Variants in ADGRV1 observed in about 807,000 individuals in gnomAD.
ADGRV1 encodes adhesion G protein-coupled receptor V1.
Under a neutral mutation model 596.2 loss-of-function variants are expected in ADGRV1, and 359 were observed. That is an observed-to-expected ratio of 0.60 (90% confidence interval 0.55 to 0.66). The LOEUF (loss-of-function observed/expected upper bound fraction) is 0.66. Ranked by LOEUF, ADGRV1 falls within the 30% of genes least tolerant of loss-of-function variation. The pLI is 0.00. For synonymous variants in ADGRV1, 2,681 were observed against 2,679.2 expected (o/e 1.00, Z -0.02); for missense variants, 7,274 against 7,575.6 (o/e 0.96, Z 1.48).
At chr5:90,864,705 T>G (rs1767926549) in intron 83 of ADGRV1, among the ~76,000 whole-genome samples, 1 of 152,164 alleles carries the variant, frequency 6.6e-6, no homozygotes, top group Non-Finnish European at 1.5e-5. Context: ...CATAATCACT[T>G]CTACTTTAAG....
At chr5:90,900,664 T>G (rs1771758530) in intron 83 of ADGRV1, among the ~76,000 whole-genome samples, 1 of 152,138 alleles carries the variant, frequency 6.6e-6, no homozygotes, top group South Asian at 2.1e-4. Flanking sequence ...AGCATCTGCC[T>G]CTTGACATGG....
In ADGRV1 at chr5:90,854,076, T is replaced by A; in HGVS notation, c.17469T>A (p.Ser5823Arg). 3 of 1,582,622 alleles carry A rather than the reference T, an allele frequency of 1.9e-6. No individual in the cohort carries two copies. The highest frequency in any genetic ancestry group is 1.7e-6 in the Non-Finnish European group (2 of 1,159,972). Reference sequence around the variant, plus strand: ...TAACATTCTAGGTATTATCTTTGAGTGTGAAAGGTCAGAGTTCACAACTCC... The same window carrying A: ...TAACATTCTAGGTATTATCTTTGAGAGTGAAAGGTCAGAGTTCACAACTCC... ...PTLKNKVLSLSVKGQSSQLLT... is the reference protein window; with the variant it reads ...PTLKNKVLSLRVKGQSSQLLT... The change falls in exon 81 of 90, where the codon AGT becomes AGA. Residue 5823 changes from serine to arginine, a missense_variant. By Grantham distance (110) the Ser-to-Arg change is moderately radical. Coordinates refer to ENST00000405460, the MANE Select transcript of ADGRV1 (RefSeq NM_032119.4).
At chr5:90,814,867 T>C (rs1028959105) in intron 74 of ADGRV1, among the ~76,000 whole-genome samples, 2 of 152,160 alleles carry the variant, frequency 1.3e-5, no homozygotes, top group African/African-American at 4.8e-5. Flanking sequence ...CCATGGAGAA[T>C]AGAAAGCAGT....
At chr5:90,994,417 CTA>C (rs1437069660) in intron 85 of ADGRV1, among the ~76,000 whole-genome samples, 1 of 152,032 alleles carries the variant, frequency 6.6e-6, no homozygotes, top group African/African-American at 2.4e-5. Flanking sequence ...TTTATGATTT[CTA>C]TCTCTTTATT....
At chr5:91,083,808 A>T (rs1789628271) in intron 86 of ADGRV1, among the ~76,000 whole-genome samples, 1 of 152,162 alleles carries the variant, frequency 6.6e-6, no homozygotes, top group African/African-American at 2.4e-5. Flanking sequence ...TGGCATGCAC[A>T]TATAGTCCCA....
At chr5:90,932,226 TA>T (rs750552865) in intron 83 of ADGRV1, among the ~76,000 whole-genome samples, 1 of 152,140 alleles carries the variant, frequency 6.6e-6, no homozygotes, top group East Asian at 1.9e-4. Flanking sequence ...ATTTCCCAAA[TA>T]TCCCATTTCA....
intron 29 of ADGRV1, among the ~76,000 whole-genome samples, chr5:90,687,577 G>C (rs1329556358): frequency 1.3e-5 from 2 of 152,108 alleles, no homozygotes; most frequent in Non-Finnish European, 2.9e-5. Context: ...TGACATAAAG[G>C]GTATTCAGTT....
At chr5:90,668,583 T>C (rs904425826) in intron 21 of ADGRV1, among the ~76,000 whole-genome samples, 7 of 148,790 alleles carry the variant, frequency 4.7e-5, no homozygotes, top group African/African-American at 1.5e-4. Flanking sequence ...GCGTTGCTCA[T>C]GCTGGGAGCT....
At chr5:90,852,552 T>G (rs1214450450) in intron 79 of ADGRV1, among the ~76,000 whole-genome samples, 1 of 152,168 alleles carries the variant, frequency 6.6e-6, no homozygotes, top group Non-Finnish European at 1.5e-5. Context: ...GTTACAAATA[T>G]AAATTCCTAG....
chr5:90,681,578 C>A, intron 27 of ADGRV1, 124 bp downstream of exon 27: 1 of 881,820 alleles, frequency 1.1e-6, no homozygotes, highest in Non-Finnish European at 1.6e-6. Context: ...AGCCTATTGG[C>A]ACAGGCAATA....
At chr5:91,137,025 G>A (rs2950847) in intron 87 of ADGRV1, among the ~76,000 whole-genome samples, 151,658 of 152,366 alleles carry the variant, frequency 1, 75,522 homozygotes, top group Middle Eastern at 1. Context: ...TTAAAACAAG[G>A]TTGATTTGAG....
At chr5:91,068,423 C>T (rs886251295) in intron 85 of ADGRV1, among the ~76,000 whole-genome samples, 1 of 151,348 alleles carries the variant, frequency 6.6e-6, no homozygotes, top group African/African-American at 2.4e-5. Context: ...GAGCCGAGAT[C>T]GCACCACTGC....
chr5:91,127,157 G>A (rs1255155125), intron 87 of ADGRV1, among the ~76,000 whole-genome samples: 12 of 152,140 alleles, frequency 7.9e-5, no homozygotes, highest in Admixed American at 7.9e-4. Context: ...ACCAGTATGG[G>A]AGTCCATCCC....
chr5:90,904,271 T>C (rs1045387686), intron 83 of ADGRV1, among the ~76,000 whole-genome samples: 1 of 152,136 alleles, frequency 6.6e-6, no homozygotes, highest in South Asian at 2.1e-4. Context: ...CTTTTGGGTA[T>C]ATACCCAGCA....
At chr5:90,563,606 A>G (rs1755154598) in intron 1 of ADGRV1, among the ~76,000 whole-genome samples, 1 of 152,276 alleles carries the variant, frequency 6.6e-6, no homozygotes, top group African/African-American at 2.4e-5. Flanking sequence ...AGTATGCACA[A>G]TAAGCATAGG....
In ADGRV1 at chr5:90,743,889, G is replaced by A. The variant is rs1232801854; in HGVS notation, c.10550-1157G>A. On this transcript the variant is annotated intron_variant, in intron 50 of 89. Transcript: ENST00000405460. Reference sequence around the variant, plus strand: ...TTAAGTCTGGAAATTATTTAGTATTGTATATAATATAGTAAGCCCCCTTCC... The same window carrying A: ...TTAAGTCTGGAAATTATTTAGTATTATATATAATATAGTAAGCCCCCTTCC... Among the ~76,000 whole-genome samples, 4 of 151,952 alleles carry A rather than the reference G, an allele frequency of 2.6e-5. No homozygotes were observed. The East Asian group carries it at 7.7e-4, about 29-fold the overall frequency.
At chr5:90,707,990 A>C (rs1432152908) in intron 38 of ADGRV1, among the ~76,000 whole-genome samples, 1 of 152,174 alleles carries the variant, frequency 6.6e-6, no homozygotes, top group Non-Finnish European at 1.5e-5. Flanking sequence ...CATATATTAC[A>C]TAAGACAATC....
chr5:91,043,010 G>C (rs1019482924), intron 85 of ADGRV1, among the ~76,000 whole-genome samples: 32 of 152,010 alleles, frequency 2.1e-4, no homozygotes, highest in Middle Eastern at 6.8e-3. Context: ...ATTAATGTTT[G>C]CTCAGCAACA....
intron 75 of ADGRV1, among the ~76,000 whole-genome samples, chr5:90,822,972 T>C (rs1763721652): frequency 6.6e-6 from 1 of 152,182 alleles, no homozygotes; most frequent in Admixed American, 6.5e-5. Context: ...TTTCTGTACA[T>C]TGATTTTGTA....
Sources: gnomAD v4.1 joint callset for allele counts (sites outside exome capture counted in the v4.1 genomes callset) on GRCh38, gnomAD v4.1.1 for gene constraint, MANE v1.5 for transcripts, NCBI Gene and HGNC (gene_info 2026-07-23, HGNC 2026-07-21) for gene names.